Variants in ASIC2 observed in about 807,000 individuals in gnomAD.
The protein encoded by ASIC2 is acid-sensing ion channel 2.
In ASIC2, 25 loss-of-function variants were observed where a neutral mutation model predicts 57.3. The ratio of observed to expected loss-of-function variants is 0.44; its 90% confidence interval spans 0.32 to 0.61. ASIC2 has a LOEUF of 0.61. ASIC2 is among the 20% of genes least tolerant of loss of function. ASIC2 has a pLI of 0.06. For synonymous variants in ASIC2, 319 were observed against 307.5 expected, an observed-to-expected ratio of 1.04 and a Z score of -0.39; for missense variants, 641 against 738.1, an observed-to-expected ratio of 0.87 and a Z score of 1.52.
Position 33,641,523 on chromosome 17 carries a change from A to C in ASIC2, c.555+514455T>G, listed in dbSNP as rs576157799. On this transcript the variant is annotated intron_variant, in intron 1 of 9. Transcript: ENST00000359872. ...CTCAAGGACTCACTCAGAGCCACAC[A>C]GCACCCAGAACTTGAACCAACATTC... Among the ~76,000 whole-genome samples, 16 of 152,348 alleles carry C rather than the reference A, an allele frequency of 1.1e-4. No individual in the cohort carries two copies. The East Asian group carries it at 3.1e-3, about 29-fold the overall frequency.
chr17:33,345,472 GA>G (rs948538583), intron 1 of ASIC2, among the ~76,000 whole-genome samples: 1 of 151,888 alleles, frequency 6.6e-6, no homozygotes, highest in East Asian at 1.9e-4. Flanking sequence ...GCTCCCTTAA[GA>G]AAAAAAAGAC....
rs558850427 is a variant in ASIC2 at position 33,062,420 on chromosome 17, C to T, written c.987+26443G>A. ...ATTTCTGCCTTCATTTCGTTATGTA[C>T]ACAGTAGTCATTCAGGAGCAGCTTG... On this transcript the variant is annotated intron_variant, in intron 3 of 9. Coordinates refer to ENST00000225823, the MANE Select transcript of ASIC2 (RefSeq NM_183377.2). Among the ~76,000 whole-genome samples, 539 of 152,298 alleles carry T rather than the reference C, an allele frequency of 3.5e-3. 4 individuals carry two copies. Among genetic ancestry groups the T allele is most frequent in the South Asian group, 5.6e-3 (27 of 4,822 alleles).
At chr17:34,063,384 C>T (rs943629726) in intron 1 of ASIC2, among the ~76,000 whole-genome samples, 1 of 152,094 alleles carries the variant, frequency 6.6e-6, no homozygotes, top group Non-Finnish European at 1.5e-5. Flanking sequence ...TAATAAAAGC[C>T]ATCTATGACA....
At chr17:33,995,083 G>C (rs1906115440) in intron 1 of ASIC2, among the ~76,000 whole-genome samples, 1 of 152,090 alleles carries the variant, frequency 6.6e-6, no homozygotes. Context: ...ATCCAGGACT[G>C]TACCTATGGC....
At chr17:33,978,445 C>T (rs1905475524) in intron 1 of ASIC2, among the ~76,000 whole-genome samples, 1 of 152,144 alleles carries the variant, frequency 6.6e-6, no homozygotes, top group Admixed American at 6.5e-5. Context: ...CTTGCCCTAT[C>T]CCTGGACTTT....
At chr17:33,772,211 A>G (rs1378236632) in intron 1 of ASIC2, among the ~76,000 whole-genome samples, 3 of 152,252 alleles carry the variant, frequency 2.0e-5, no homozygotes, top group African/African-American at 7.2e-5. Flanking sequence ...TATGGGTCAT[A>G]AGACCCTCAT....
chr17:34,004,967 A>G (rs1436289631), intron 1 of ASIC2: 1 of 152,180 alleles, frequency 6.6e-6, no homozygotes, highest in African/African-American at 2.4e-5. Context: ...AGGGGACCAC[A>G]GGAGGTTTCT....
chr17:33,950,395 C>T (rs1277067803), intron 1 of ASIC2, among the ~76,000 whole-genome samples: 2 of 152,246 alleles, frequency 1.3e-5, no homozygotes, highest in Admixed American at 6.5e-5. Context: ...GTAATAAATG[C>T]AGACCACGTT....
chr17:33,339,006 A>G (rs1424612346), intron 1 of ASIC2, among the ~76,000 whole-genome samples: 1 of 152,216 alleles, frequency 6.6e-6, no homozygotes, highest in African/African-American at 2.4e-5. Flanking sequence ...TTGTACGACA[A>G]TATGAATATA....
intron 1 of ASIC2, among the ~76,000 whole-genome samples, chr17:33,271,547 G>A (rs1371057271): frequency 6.6e-6 from 1 of 152,110 alleles, no homozygotes; most frequent in East Asian, 1.9e-4. Flanking sequence ...CAGCCCAACA[G>A]CTCAGGCCCA....
At chr17:33,063,475 T>C (rs1047233444) in intron 3 of ASIC2, among the ~76,000 whole-genome samples, 7 of 152,194 alleles carry the variant, frequency 4.6e-5, no homozygotes, top group African/African-American at 1.7e-4. Flanking sequence ...CCTTTAAGAA[T>C]GTTGAATATT....
At chr17:33,534,402 G>T (rs1225125425) in intron 1 of ASIC2, 5 of 152,152 alleles carry the variant, frequency 3.3e-5, no homozygotes, top group Admixed American at 2.6e-4. Context: ...CTGCTCACGA[G>T]GCAGGAGCAG....
chr17:33,651,169 A>C (rs949508242), intron 1 of ASIC2, among the ~76,000 whole-genome samples: 1 of 152,170 alleles, frequency 6.6e-6, no homozygotes, highest in African/African-American at 2.4e-5. Flanking sequence ...TAAACCGGTG[A>C]GATCTGAGTA....
intron 1 of ASIC2, among the ~76,000 whole-genome samples, chr17:33,605,525 G>A (rs1905210830): frequency 6.6e-6 from 1 of 152,174 alleles, no homozygotes; most frequent in Non-Finnish European, 1.5e-5. Flanking sequence ...TCTGAGGACC[G>A]CTTTAATGAA....
chr17:33,823,406 G>T (rs1912808185), intron 1 of ASIC2, among the ~76,000 whole-genome samples: 1 of 151,302 alleles, frequency 6.6e-6, no homozygotes. Flanking sequence ...AAGTAGATGT[G>T]TATCTCGAGT....
intron 1 of ASIC2, among the ~76,000 whole-genome samples, chr17:34,133,765 A>AT (rs1357632836): frequency 6.6e-6 from 1 of 152,258 alleles, no homozygotes; most frequent in African/African-American, 2.4e-5. Flanking sequence ...ACTAAGTGAC[A>AT]TAGGGGTTTT....
intron 1 of ASIC2, among the ~76,000 whole-genome samples, chr17:33,777,191 C>T (rs1262978243): frequency 6.6e-6 from 1 of 152,260 alleles, no homozygotes; most frequent in Non-Finnish European, 1.5e-5. Context: ...TTCCTGAATT[C>T]CCTGAGCTTC....
At chr17:33,120,035 C>T (rs945342809) in intron 1 of ASIC2, among the ~76,000 whole-genome samples, 2 of 152,180 alleles carry the variant, frequency 1.3e-5, no homozygotes, top group African/African-American at 2.4e-5. Flanking sequence ...CAGCTTACAG[C>T]GAGAAGACTG....
Position 33,224,557 on chromosome 17 carries a change from C to T in ASIC2, c.708+66851G>A, listed in dbSNP as rs563292444. 2.7e-4 allele frequency among the ~76,000 whole-genome samples: 41 copies of T among 152,206 alleles called. No individual in the cohort carries two copies. The South Asian group carries it at 8.1e-3, about 30-fold the overall frequency. On this transcript the variant is annotated intron_variant, in intron 1 of 9. Transcript: ENST00000225823. Reference sequence around the variant, plus strand: ...CTAGAAGGAAGAGCTGGATCAATATCGAATGAATGAATAAATGAATGAATG... The same window carrying T: ...CTAGAAGGAAGAGCTGGATCAATATTGAATGAATGAATAAATGAATGAATG...
Sources: allele counts gnomAD v4.1 joint callset (sites outside exome capture counted in the v4.1 genomes callset), GRCh38; gene constraint gnomAD v4.1.1; transcripts MANE v1.5; gene names NCBI Gene and HGNC (gene_info 2026-07-23, HGNC 2026-07-21).